Variants in GET1 observed in about 807,000 individuals in gnomAD.
GET1 encodes the protein guided entry of tail-anchored proteins factor 1.
In GET1, 20 loss-of-function variants were observed where a neutral mutation model predicts 22.6. The observed-to-expected ratio is 0.89, with a 90% confidence interval of 0.62 to 1.29. The LOEUF (loss-of-function observed/expected upper bound fraction) is 1.29. Ranked by LOEUF, GET1 falls within the 50% of genes most tolerant of loss-of-function variation. The pLI is 0.00. For synonymous variants in GET1, 92 were observed against 83.8 expected, an observed-to-expected ratio of 1.10 and a Z score of -0.53; for missense variants, 209 against 219.9, an observed-to-expected ratio of 0.95 and a Z score of 0.31.
chr21:39,428,425 A>G (rs771650741), exon 2 of GET1: 5 of 1,612,344 alleles, frequency 3.1e-6, no homozygotes, highest in African/African-American at 2.7e-5. Context: ...CAGACCTCCT[A>G]TTGTTTTCTA....
intron 1 of GET1, chr21:39,421,722 A>G (rs2073800588): frequency 6.6e-6 from 1 of 152,214 alleles, no homozygotes; most frequent in Non-Finnish European, 1.5e-5. Flanking sequence ...AGTGGAAGAC[A>G]TGGAAAGCTA....
At chr21:39,386,824 A>C (rs1418911254) in intron 1 of GET1, among the ~76,000 whole-genome samples, 1 of 150,524 alleles carries the variant, frequency 6.6e-6, no homozygotes, top group Non-Finnish European at 1.5e-5. Context: ...ACATTGATAC[A>C]TATTTGCAAA....
chr21:39,380,931 G>GGGGGTT, intron 1 of GET1: 1 of 986,390 alleles, frequency 1.0e-6, no homozygotes, highest in Non-Finnish European at 1.2e-6. Flanking sequence ...GGTGGGTAGG[G>GGGGGTT]TGGGAGACAG....
chr21:39,421,683 A>T (rs1429599022), intron 1 of GET1: 2 of 152,214 alleles, frequency 1.3e-5, no homozygotes, highest in South Asian at 4.1e-4. Context: ...CTCCTCCATT[A>T]TAACAGCAGT....
chr21:39,387,686 C>G (rs1411792243), intron 1 of GET1: 1 of 636,244 alleles, frequency 1.6e-6, no homozygotes, highest in Non-Finnish European at 1.9e-6. Flanking sequence ...CCCTACTCCC[C>G]ACACTCCCCC....
chr21:39,396,978 TTTCCTC>T lies in GET1; in HGVS notation c.*45_*50del, dbSNP rs1198369450. 1.2e-6 allele frequency: 2 copies of T among 1,603,668 alleles called. No individual in the cohort carries two copies. The highest frequency in any genetic ancestry group is 3.4e-5 in the Admixed American group (2 of 59,584). The stretch of plus-strand genomic sequence containing the variant: ...TACAGCCGCGAGGCTAAAAAACGGA[TTTCCTC>T]TTCCTAGCTTAAAATCTGATTTACA... On this transcript the variant is annotated 3_prime_UTR_variant, in exon 5 of 5. Transcript: ENST00000649170.
chr21:39,390,202 A>G (rs60053951), intron 1 of GET1, among the ~76,000 whole-genome samples: 1,956 of 152,222 alleles, frequency 0.013, 38 homozygotes, highest in African/African-American at 0.045. Context: ...TGCTGGAGTC[A>G]CCTCAAAAGC....
At chr21:39,416,704 A>G (rs1235698453) in intron 1 of GET1, among the ~76,000 whole-genome samples, 2 of 152,146 alleles carry the variant, frequency 1.3e-5, no homozygotes, top group East Asian at 1.9e-4. Context: ...CTCAATGACA[A>G]CACCATAATC....
intron 1 of GET1, among the ~76,000 whole-genome samples, chr21:39,424,214 T>C (rs2074252104): frequency 6.6e-6 from 1 of 152,158 alleles, no homozygotes; most frequent in African/African-American, 2.4e-5. Context: ...AGTTTCACCA[T>C]GTTGGCCAGG....
intron 4 of GET1, among the ~76,000 whole-genome samples, chr21:39,403,574 G>C: frequency 6.7e-6 from 1 of 150,322 alleles, no homozygotes; most frequent in East Asian, 2.0e-4. Flanking sequence ...CGCCCGCCTC[G>C]GCCTCCCAAA....
At chr21:39,419,523 C>CAAAAAAAAAAAAAAAA (rs5843964) in intron 1 of GET1, among the ~76,000 whole-genome samples, 1 of 123,554 alleles carries the variant, frequency 8.1e-6, no homozygotes, top group Non-Finnish European at 1.6e-5. Flanking sequence ...AGACCCTGTT[C>CAAAAAAAAAAAAAAAA]AAAAAAAAAA....
chr21:39,384,672 G>T (rs1467528580), intron 1 of GET1, among the ~76,000 whole-genome samples: 1 of 151,716 alleles, frequency 6.6e-6, no homozygotes, highest in Non-Finnish European at 1.5e-5. Flanking sequence ...TCGTCACCCA[G>T]TTATTAAGTC....
At chr21:39,382,057 CTTT>C (rs1045395971) in intron 1 of GET1, among the ~76,000 whole-genome samples, 2 of 135,414 alleles carry the variant, frequency 1.5e-5, no homozygotes, top group Non-Finnish European at 3.2e-5. Flanking sequence ...AGAACATTTT[CTTT>C]TTTTTTTTTT....
intron 1 of GET1, among the ~76,000 whole-genome samples, chr21:39,383,147 G>A (rs1436865977): frequency 6.6e-6 from 1 of 151,820 alleles, no homozygotes; most frequent in East Asian, 1.9e-4. Flanking sequence ...GTAGAGACGA[G>A]GTTTCACCGA....
intron 1 of GET1, among the ~76,000 whole-genome samples, chr21:39,388,946 G>A (rs1474235170): frequency 6.6e-6 from 1 of 152,164 alleles, no homozygotes; most frequent in Non-Finnish European, 1.5e-5. Flanking sequence ...AGCCTGGGGA[G>A]CGTGCTTCTT....
intron 1 of GET1, among the ~76,000 whole-genome samples, chr21:39,416,511 G>A (rs970543983): frequency 1.3e-5 from 2 of 152,120 alleles, no homozygotes; most frequent in Non-Finnish European, 2.9e-5. Context: ...GGGAGCCTTG[G>A]TTTGTTTCAG....
At chr21:39,396,213 T>C (rs2038634093) in intron 4 of GET1, among the ~76,000 whole-genome samples, 1 of 152,144 alleles carries the variant, frequency 6.6e-6, no homozygotes, top group Non-Finnish European at 1.5e-5. Flanking sequence ...CTGACCTACA[T>C]GGTGAAACCG....
At chr21:39,423,432 A>G in intron 1 of GET1, 1 of 1,594,710 alleles carries the variant, frequency 6.3e-7, no homozygotes. Flanking sequence ...TATGGATTTG[A>G]GAATTAAAGA....
chr21:39,396,400 C>T (rs1038218261), intron 4 of GET1, among the ~76,000 whole-genome samples: 8 of 152,050 alleles, frequency 5.3e-5, no homozygotes, highest in African/African-American at 9.7e-5. Context: ...CGGTGGCGGG[C>T]GCCTGTAGTC....
Sources: allele counts gnomAD v4.1 joint callset (sites outside exome capture counted in the v4.1 genomes callset), GRCh38; gene constraint gnomAD v4.1.1; transcripts MANE v1.5; gene names NCBI Gene and HGNC (gene_info 2026-07-23, HGNC 2026-07-21).